The following POFUT3 variants were observed in gnomAD, a reference collection of about 807,000 sequenced individuals.
POFUT3 encodes GDP-fucose protein O-fucosyltransferase 3.
chr8:33,399,661 T>A, the POFUT3 span, among the ~76,000 whole-genome samples: 2 of 151,150 alleles, frequency 1.3e-5, no homozygotes, highest in Non-Finnish European at 2.9e-5. Flanking sequence ...TTTATTTATT[T>A]GTTTTTTTTT....
chr8:33,336,832 A>G, the POFUT3 span, among the ~76,000 whole-genome samples: 1 of 152,168 alleles, frequency 6.6e-6, no homozygotes, highest in African/African-American at 2.4e-5. Flanking sequence ...CCAAGGCATG[A>G]GGGCCAAGGC....
chr8:33,424,516 G>A, the POFUT3 span, among the ~76,000 whole-genome samples: 1 of 152,078 alleles, frequency 6.6e-6, no homozygotes, highest in East Asian at 1.9e-4. Flanking sequence ...GCATCGTTAG[G>A]GCCTTCAGGT....
At chr8:33,360,165 C>A in the POFUT3 span, among the ~76,000 whole-genome samples, 1 of 152,074 alleles carries the variant, frequency 6.6e-6, no homozygotes, top group Non-Finnish European at 1.5e-5. Flanking sequence ...CAGTAACCGG[C>A]CAGATGTGGT....
the POFUT3 span, among the ~76,000 whole-genome samples, chr8:33,328,324 T>G: frequency 6.6e-6 from 1 of 151,846 alleles, no homozygotes; most frequent in Non-Finnish European, 1.5e-5. Context: ...AAACCTGAGA[T>G]ATGTCCAGGA....
the POFUT3 span, among the ~76,000 whole-genome samples, chr8:33,356,412 C>A: frequency 1.3e-5 from 2 of 152,226 alleles, no homozygotes; most frequent in Non-Finnish European, 2.9e-5. Context: ...TTGCACTTCT[C>A]TGATGGCCAG....
the POFUT3 span, among the ~76,000 whole-genome samples, chr8:33,380,041 A>ATG: frequency 1.8e-5 from 1 of 56,154 alleles, no homozygotes; most frequent in African/African-American, 1.2e-4. Context: ...TATATATACG[A>ATG]TATATATACA....
chr8:33,388,971 G>C, the POFUT3 span: 5 of 1,613,862 alleles, frequency 3.1e-6, no homozygotes, highest in South Asian at 5.5e-5. Context: ...ACCTTTTCCT[G>C]AAGCCTGATA....
At chr8:33,399,551 C>T in the POFUT3 span, among the ~76,000 whole-genome samples, 1 of 152,034 alleles carries the variant, frequency 6.6e-6, no homozygotes, top group Non-Finnish European at 1.5e-5. Flanking sequence ...AATGATAATG[C>T]TTAATAGCAA....
At chr8:33,436,142 T>C in the POFUT3 span, 1 of 1,218,108 alleles carries the variant, frequency 8.2e-7, no homozygotes, top group Non-Finnish European at 1.1e-6. Flanking sequence ...AGAGAAGGTC[T>C]CAACTTAGCA....
the POFUT3 span, among the ~76,000 whole-genome samples, chr8:33,434,672 CA>C: frequency 1.3e-5 from 2 of 152,194 alleles, no homozygotes; most frequent in Non-Finnish European, 2.9e-5. Flanking sequence ...GCTTTGGGTT[CA>C]GTGCTGCTGA....
At chr8:33,353,799 A>C in the POFUT3 span, among the ~76,000 whole-genome samples, 30 of 152,228 alleles carry the variant, frequency 2.0e-4, no homozygotes, top group South Asian at 2.3e-3. Context: ...GTTAGAATTT[A>C]TCTCTCTCCT....
the POFUT3 span, among the ~76,000 whole-genome samples, chr8:33,323,171 G>A: frequency 6.6e-6 from 1 of 152,122 alleles, no homozygotes. Context: ...TTGTAGCAAG[G>A]CATGTGTCTG....
chr8:33,356,499 G>A, the POFUT3 span, among the ~76,000 whole-genome samples: 1 of 151,772 alleles, frequency 6.6e-6, no homozygotes. Context: ...CATGTCCTTT[G>A]CCCACTTTTT....
chr8:33,409,020 T>C, the POFUT3 span, among the ~76,000 whole-genome samples: 24 of 152,302 alleles, frequency 1.6e-4, no homozygotes, highest in African/African-American at 5.1e-4. Flanking sequence ...TTAAGCAATA[T>C]CTTTTAGGGA....
the POFUT3 span, among the ~76,000 whole-genome samples, chr8:33,416,173 G>T: frequency 6.6e-6 from 1 of 152,154 alleles, no homozygotes; most frequent in Non-Finnish European, 1.5e-5. Context: ...AAATAAAATG[G>T]AAACCTGGAA....
At chr8:33,349,946 AT>A in the POFUT3 span, among the ~76,000 whole-genome samples, 5 of 151,982 alleles carry the variant, frequency 3.3e-5, no homozygotes, top group Admixed American at 2.6e-4. Context: ...TTAACATCTA[AT>A]TTTTTTAATT....
chr8:33,385,342 T>C, the POFUT3 span, among the ~76,000 whole-genome samples: 1 of 152,176 alleles, frequency 6.6e-6, no homozygotes, highest in African/African-American at 2.4e-5. Flanking sequence ...TTTGAATTCA[T>C]TGTGCAAGCA....
the POFUT3 span, among the ~76,000 whole-genome samples, chr8:33,423,899 G>A: frequency 6.7e-6 from 1 of 149,808 alleles, no homozygotes; most frequent in Non-Finnish European, 1.5e-5. Flanking sequence ...AGCACTATTG[G>A]AGGCCAAAGC....
At chr8:33,313,648 A>G in the POFUT3 span, among the ~76,000 whole-genome samples, 1 of 152,148 alleles carries the variant, frequency 6.6e-6, no homozygotes, top group Non-Finnish European at 1.5e-5. Flanking sequence ...AAATGGAACC[A>G]TCACCTCTGA....
Sources: gnomAD v4.1 joint callset for allele counts (sites outside exome capture counted in the v4.1 genomes callset) on GRCh38, gnomAD v4.1.1 for gene constraint, MANE v1.5 for transcripts, NCBI Gene and HGNC (gene_info 2026-07-23, HGNC 2026-07-21) for gene names.